The following SLC22A23 variants were observed in gnomAD, a reference collection of about 807,000 sequenced individuals.
The protein encoded by SLC22A23 is ion transporter protein.
A neutral mutation model predicts 61.0 loss-of-function variants in SLC22A23; 26 were observed. That is an observed-to-expected ratio of 0.43 (90% confidence interval 0.31 to 0.59). The LOEUF (loss-of-function observed/expected upper bound fraction) is 0.59, where lower values mean the gene tolerates loss of function less well. SLC22A23 is among the 20% of genes least tolerant of loss of function. The pLI is 0.11. For missense variants in SLC22A23, 796 were observed against 934.7 expected (o/e 0.85, Z 1.94); for synonymous variants, 430 against 413.9 (o/e 1.04, Z -0.47).
rs934196959 is a variant in SLC22A23 at position 3,304,339 on chromosome 6, A to G, written c.1083-6121T>C. ...GATACCTAAAAACTGACAACAACCA[A>G]TAAATGTCTTTATGAGAAGTGATGA... On this transcript the variant is annotated intron_variant, in intron 4 of 9. Coordinates refer to ENST00000406686, the MANE Select transcript of SLC22A23 (RefSeq NM_015482.2). This position sits in a 1 kb window ranked among gnomAD's most constrained non-coding sequence, Gnocchi z 4.3. Among the ~76,000 whole-genome samples the G allele has an allele frequency of 2.6e-5, 4 of 152,208 alleles. No individual in the cohort carries two copies. The highest frequency in any genetic ancestry group is 9.6e-5 in the African/African-American group (4 of 41,456).
intron 1 of SLC22A23, among the ~76,000 whole-genome samples, chr6:3,421,744 G>T (rs1000665335): frequency 4.6e-5 from 7 of 152,084 alleles, no homozygotes; most frequent in Admixed American, 2.6e-4. Context: ...CAGTGGTAGC[G>T]ATGGTGGGGA....
rs550261120 is a variant in SLC22A23, at chr6:3,358,760, TA to T, written c.914-34759del. On this transcript the variant is annotated intron_variant, in intron 3 of 9. Coordinates refer to ENST00000406686, the MANE Select transcript of SLC22A23 (RefSeq NM_015482.2). Reference sequence around the variant, plus strand: ...CCACAAATAAAATTAAAAAATAAAATAAAAAAGGCCCCAGGAGAGTTTCTGT... The same window carrying T: ...CCACAAATAAAATTAAAAAATAAAATAAAAAGGCCCCAGGAGAGTTTCTGT... Among the ~76,000 whole-genome samples the T allele has an allele frequency of 1.6e-3, 236 of 151,946 alleles. 1 individual carries two copies. Among genetic ancestry groups the T allele is most frequent in the African/African-American group, 5.5e-3 (228 of 41,442 alleles).
intron 9 of SLC22A23, among the ~76,000 whole-genome samples, chr6:3,279,222 T>G (rs936289228): frequency 1.3e-5 from 2 of 152,040 alleles, no homozygotes; most frequent in African/African-American, 4.8e-5. Context: ...CAAAGATTCC[T>G]TGATATGGCC....
intron 3 of SLC22A23, among the ~76,000 whole-genome samples, chr6:3,378,895 G>A (rs1270856650): frequency 6.6e-6 from 1 of 152,070 alleles, no homozygotes; most frequent in Non-Finnish European, 1.5e-5. Flanking sequence ...CTGATCTCAG[G>A]TGATCCACCT....
At chr6:3,357,501 A>G (rs1164746221) in intron 3 of SLC22A23, among the ~76,000 whole-genome samples, 1 of 152,242 alleles carries the variant, frequency 6.6e-6, no homozygotes, top group Non-Finnish European at 1.5e-5. Context: ...AAATTGGACT[A>G]CATCTACTGT....
chr6:3,285,435 C>T (rs6915035), intron 7 of SLC22A23, among the ~76,000 whole-genome samples: 1,706 of 152,334 alleles, frequency 0.011, 41 homozygotes, highest in African/African-American at 0.038. Context: ...AGGTCACTGC[C>T]GCCTGCATTC....
At chr6:3,442,553 G>A (rs576229756) in intron 1 of SLC22A23, among the ~76,000 whole-genome samples, 40 of 152,224 alleles carry the variant, frequency 2.6e-4, no homozygotes, top group Middle Eastern at 3.4e-3. Flanking sequence ...AATCAAGGGC[G>A]CCCAATTTGT....
rs1473793983 is a variant in SLC22A23 at position 3,297,649 on chromosome 6, T to C, written c.1210+442A>G. Among the ~76,000 whole-genome samples the C allele has an allele frequency of 1.3e-5, 2 of 152,172 alleles. No individual in the cohort carries two copies. Among genetic ancestry groups the C allele is most frequent in the Non-Finnish European group, 2.9e-5 (2 of 68,034 alleles). ...CAAAAACACTTCACCTTTCCTGTCT[T>C]CAGCTGCCCAACAAATAGGTCATGG... is the stretch of plus-strand genomic sequence containing the variant. On this transcript the variant is annotated intron_variant, in intron 5 of 9. Transcript: ENST00000406686. This position sits in a 1 kb window ranked among gnomAD's most constrained non-coding sequence, Gnocchi z 4.3.
In SLC22A23 at chr6:3,272,163, A is replaced by G. The variant is rs975061824; in HGVS notation, c.*892T>C. The G allele has an allele frequency of 6.6e-6, 1 of 152,294 alleles. No individual in the cohort carries two copies. The highest frequency in any genetic ancestry group is 1.9e-4 in the East Asian group (1 of 5,300). 9.4% of individuals were successfully genotyped at this position (152,294 alleles called of 1,614,324 possible). A position where few individuals can be genotyped will look rare whatever the true frequency, so the allele number is the denominator to read the frequency against. Reference sequence around the variant, plus strand: ...CTGCCATCTTTTTGAGTTATTTTCTAATGGTTTGTAGCTTAGAAAGTAGCC... The same window carrying G: ...CTGCCATCTTTTTGAGTTATTTTCTGATGGTTTGTAGCTTAGAAAGTAGCC... On this transcript the variant is annotated 3_prime_UTR_variant, in exon 10 of 10. Coordinates refer to ENST00000406686, the MANE Select transcript of SLC22A23 (RefSeq NM_015482.2).
rs534705508 is a variant in SLC22A23 at position 3,308,285 on chromosome 6, C to T, written c.1083-10067G>A. Among the ~76,000 whole-genome samples the T allele has an allele frequency of 2.0e-5, 3 of 152,334 alleles. No homozygotes were observed. Among genetic ancestry groups the T allele is most frequent in the South Asian group, 2.1e-4 (1 of 4,832 alleles). The stretch of plus-strand genomic sequence containing the variant: ...CCCAGTGCCCCTGCACTCACCCTCC[C>T]GTCCTCCAGGGCTAAGCCCTCCCTG... On this transcript the variant is annotated intron_variant, in intron 4 of 9. Transcript: ENST00000406686. This position sits in a 1 kb window ranked among gnomAD's most constrained non-coding sequence, Gnocchi z 5.1.
At chr6:3,349,926 C>G (rs140824366) in intron 3 of SLC22A23, among the ~76,000 whole-genome samples, 1 of 152,204 alleles carries the variant, frequency 6.6e-6, no homozygotes, top group Admixed American at 6.5e-5. Flanking sequence ...CTGTGATACA[C>G]GAAGGCAGAT....
chr6:3,394,555 T>C (rs1158055923), intron 3 of SLC22A23, among the ~76,000 whole-genome samples: 4 of 152,222 alleles, frequency 2.6e-5, no homozygotes. Context: ...ATTATCAGGT[T>C]GAATTTGTGA....
intron 1 of SLC22A23, among the ~76,000 whole-genome samples, chr6:3,449,794 C>A (rs1311179294): frequency 6.6e-6 from 1 of 152,214 alleles, no homozygotes; most frequent in East Asian, 1.9e-4. Flanking sequence ...CTTTCACCCT[C>A]CCACTTCTAA....
At chr6:3,403,653 AG>A (rs1174567715) in intron 3 of SLC22A23, among the ~76,000 whole-genome samples, 1 of 152,184 alleles carries the variant, frequency 6.6e-6, no homozygotes, top group African/African-American at 2.4e-5. Flanking sequence ...TGGCACATCT[AG>A]GGGGGTAAGA....
chr6:3,274,685 A>G (rs116081061), intron 9 of SLC22A23, among the ~76,000 whole-genome samples: 2,109 of 152,346 alleles, frequency 0.014, 23 homozygotes, highest in Non-Finnish European at 0.02. Flanking sequence ...TCAACATACA[A>G]AAGTCAATTA....
Position 3,324,359 on chromosome 6 carries a change from C to T in SLC22A23, c.914-357G>A, listed in dbSNP as rs139606241. Among the ~76,000 whole-genome samples the T allele has an allele frequency of 8.5e-5, 13 of 152,314 alleles. No homozygotes were observed. The East Asian group carries it at 1.5e-3, about 18-fold the overall frequency. On this transcript the variant is annotated intron_variant, in intron 3 of 9. Coordinates refer to ENST00000406686, the MANE Select transcript of SLC22A23 (RefSeq NM_015482.2). This position sits in a 1 kb window ranked among gnomAD's most constrained non-coding sequence, Gnocchi z 4.3. ...ACGTCACTGAGCTTGCTGTCCAGCA[C>T]GTTCCCCCCTCGTGCCCATCCTGTC...
intron 1 of SLC22A23, among the ~76,000 whole-genome samples, chr6:3,422,496 AT>A (rs908769456): frequency 4.6e-5 from 7 of 152,090 alleles, no homozygotes; most frequent in South Asian, 2.1e-4. Flanking sequence ...CAGTTGACAG[AT>A]TTTTTTTCCC....
intron 1 of SLC22A23, among the ~76,000 whole-genome samples, chr6:3,417,864 C>G (rs962694723): frequency 2.0e-5 from 3 of 152,206 alleles, no homozygotes; most frequent in Admixed American, 6.5e-5. Context: ...CAGGGTCGTA[C>G]AGCTAGGTGA....
intron 1 of SLC22A23, among the ~76,000 whole-genome samples, chr6:3,423,715 A>T (rs1310543001): frequency 6.6e-6 from 1 of 152,280 alleles, no homozygotes; most frequent in Non-Finnish European, 1.5e-5. Context: ...ACTCATTTAT[A>T]TGAAATAACT....
Sources: allele counts gnomAD v4.1 joint callset (sites outside exome capture counted in the v4.1 genomes callset), GRCh38; gene constraint gnomAD v4.1.1; non-coding constraint Gnocchi (gnomAD v3.1); transcripts MANE v1.5; gene names NCBI Gene and HGNC (gene_info 2026-07-23, HGNC 2026-07-21).